GADL1: variants seen among roughly 807,000 people sequenced by gnomAD.
GADL1 encodes acidic amino acid decarboxylase GADL1.
Under a neutral mutation model 69.5 loss-of-function variants are expected in GADL1, and 71 were observed. That is an observed-to-expected ratio of 1.02 (90% CI 0.84 to 1.25). The LOEUF (loss-of-function observed/expected upper bound fraction) is 1.25, where lower values mean the gene tolerates loss of function less well. GADL1 is among the 50% of genes most tolerant of loss of function. GADL1 has a pLI of 0.00. For synonymous variants in GADL1, 254 were observed against 214.4 expected (o/e 1.18, Z -1.62); for missense variants, 737 against 631.8 (o/e 1.17, Z -1.79).
At chr3:30,839,222 T>C in intron 8 of GADL1, 109 bp from the exon 9 acceptor site, 1 of 640,378 alleles carries the variant, frequency 1.6e-6, no homozygotes, top group Non-Finnish European at 2.6e-6. Flanking sequence ...TTTGGGTTTT[T>C]TGGAGGTAGT....
At chr3:30,866,725 T>A (rs143855428) in intron 1 of GADL1, among the ~76,000 whole-genome samples, 3 of 152,134 alleles carry the variant, frequency 2.0e-5, no homozygotes, top group African/African-American at 7.2e-5. Flanking sequence ...CCACACTGGG[T>A]AGGCAGCTTC....
At chr3:30,770,282 A>AT (rs895113321) in intron 14 of GADL1, among the ~76,000 whole-genome samples, 1 of 152,224 alleles carries the variant, frequency 6.6e-6, no homozygotes, top group African/African-American at 2.4e-5. Flanking sequence ...GCCTATAAGC[A>AT]TTAATTAAGC....
At chr3:30,783,892 G>T (rs1696730654) in intron 13 of GADL1, among the ~76,000 whole-genome samples, 1 of 152,098 alleles carries the variant, frequency 6.6e-6, no homozygotes, top group Non-Finnish European at 1.5e-5. Context: ...AATATATAAA[G>T]AACTTTTTAA....
Position 30,801,029 on chromosome 3 carries a change from G to C in GADL1, c.1110C>G (p.Phe370Leu), listed in dbSNP as rs1697152711. 6.2e-7 allele frequency: 1 copy of C among 1,613,848 alleles called. No homozygotes were observed. Among genetic ancestry groups the C allele is most frequent in the Admixed American group, 1.7e-5 (1 of 60,004 alleles). The change falls in exon 12 of 15, where the codon TTC becomes TTG. Residue 370 changes from phenylalanine (F) to leucine (L), a missense_variant. Physicochemically the swap from Phe to Leu is conservative, Grantham distance 22. Transcript: ENST00000282538. ...CTCCTGTGTCATAGCTCACATCATAGAATTTATCCTGCTGGAAGAGGTAAG... is the reference window on the plus strand; with the variant it reads ...CTCCTGTGTCATAGCTCACATCATACAATTTATCCTGCTGGAAGAGGTAAG... ...KASYLFQQDK[F>L]YDVSYDTGDK...
intron 14 of GADL1, among the ~76,000 whole-genome samples, chr3:30,755,740 G>A (rs1333798056): frequency 6.6e-6 from 1 of 151,236 alleles, no homozygotes; most frequent in Non-Finnish European, 1.5e-5. Context: ...ATAAATAATT[G>A]TTAAACGAAT....
intron 14 of GADL1, among the ~76,000 whole-genome samples, chr3:30,744,858 T>C (rs1695677641): frequency 6.6e-6 from 1 of 152,196 alleles, no homozygotes; most frequent in South Asian, 2.1e-4. Context: ...TACAACTTTA[T>C]TTACAAAAAA....
intron 14 of GADL1, among the ~76,000 whole-genome samples, chr3:30,736,909 A>G (rs1029075882): frequency 1.3e-5 from 2 of 152,166 alleles, no homozygotes; most frequent in African/African-American, 4.8e-5. Flanking sequence ...TTAGAATACA[A>G]AAACATTTTA....
intron 4 of GADL1, among the ~76,000 whole-genome samples, chr3:30,853,066 T>C (rs187785227): frequency 2.0e-5 from 3 of 152,142 alleles, no homozygotes; most frequent in Non-Finnish European, 2.9e-5. Flanking sequence ...GCTCTCCTCG[T>C]GGCTGCCACA....
At chr3:30,732,508 T>C (rs1416918893) in intron 14 of GADL1, among the ~76,000 whole-genome samples, 2 of 152,276 alleles carry the variant, frequency 1.3e-5, no homozygotes, top group South Asian at 2.1e-4. Flanking sequence ...AGTGATTTAG[T>C]CATTTAAATA....
At chr3:30,858,796 CAG>C (rs1439278737) in intron 2 of GADL1, among the ~76,000 whole-genome samples, 1 of 151,906 alleles carries the variant, frequency 6.6e-6, no homozygotes, top group African/African-American at 2.4e-5. Context: ...TGATGTGGCT[CAG>C]AGAGAACCTA....
chr3:30,772,935 G>A (rs901307643), intron 14 of GADL1, among the ~76,000 whole-genome samples: 1 of 151,984 alleles, frequency 6.6e-6, no homozygotes, highest in African/African-American at 2.4e-5. Context: ...GGGAAACCTA[G>A]GAAGCCTATT....
intron 1 of GADL1, among the ~76,000 whole-genome samples, chr3:30,891,423 G>A (rs1041124214): frequency 6.6e-6 from 1 of 152,006 alleles, no homozygotes; most frequent in Non-Finnish European, 1.5e-5. Context: ...TCATTTCAAG[G>A]AACTTAAAGC....
At chr3:30,871,081 C>A (rs1006119005) in intron 1 of GADL1, among the ~76,000 whole-genome samples, 1 of 74,598 alleles carries the variant, frequency 1.3e-5, no homozygotes, top group African/African-American at 4.3e-5. Flanking sequence ...GTGTGTGTGT[C>A]CAAGAAACTC....
intron 14 of GADL1, among the ~76,000 whole-genome samples, chr3:30,741,449 G>A (rs1440200457): frequency 3.3e-5 from 5 of 151,894 alleles, no homozygotes; most frequent in Admixed American, 2.0e-4. Context: ...AAACATGTTC[G>A]ATTCCTATAA....
At chr3:30,823,132 G>C (rs770256581) in intron 11 of GADL1, among the ~76,000 whole-genome samples, 7 of 151,904 alleles carry the variant, frequency 4.6e-5, no homozygotes, top group Non-Finnish European at 7.4e-5. Flanking sequence ...CACAAGACAG[G>C]GATATAAACT....
In GADL1 at chr3:30,808,997, T is replaced by G. The variant is rs540035151; in HGVS notation, c.1051-7909A>C. Among the ~76,000 whole-genome samples the G allele has an allele frequency of 9.9e-5, 15 of 152,182 alleles. No individual in the cohort carries two copies. In the South Asian group the frequency reaches 2.9e-3, roughly 30 times the overall value. ...ACAGTGACTAAACGGTGGTGGAGAGTGTGCTTCATATACTCAACTCTACTG... is the reference window on the plus strand; with the variant it reads ...ACAGTGACTAAACGGTGGTGGAGAGGGTGCTTCATATACTCAACTCTACTG... On this transcript the variant is annotated intron_variant, in intron 11 of 14. Transcript: ENST00000282538.
chr3:30,800,729 T>C lies in GADL1; in HGVS notation c.1250+160A>G, dbSNP rs145488805. 603 of 644,186 alleles carry C rather than the reference T, an allele frequency of 9.4e-4. 5 individuals carry two copies. In the African/African-American group the frequency reaches 0.01, roughly 11 times the overall value. The allele number at this position is 644,186 out of a possible 1,614,324, so 39.9% of individuals were successfully genotyped here. ...AGAAAATGTGTATTGGATGAAATAATGCACAAATGAAAACATGTACTTGCA... is the reference window on the plus strand; with the variant it reads ...AGAAAATGTGTATTGGATGAAATAACGCACAAATGAAAACATGTACTTGCA... On this transcript the variant is annotated intron_variant, in intron 12 of 14. Transcript: ENST00000282538.
At chr3:30,807,641 T>C (rs910155398) in intron 11 of GADL1, among the ~76,000 whole-genome samples, 1 of 152,332 alleles carries the variant, frequency 6.6e-6, no homozygotes, top group South Asian at 2.1e-4. Flanking sequence ...CAGGTGTAAC[T>C]TGAGTTTTCT....
chr3:30,792,092 G>A (rs1172096931), intron 12 of GADL1, among the ~76,000 whole-genome samples: 1 of 152,176 alleles, frequency 6.6e-6, no homozygotes, highest in African/African-American at 2.4e-5. Context: ...CAGCTGAGTT[G>A]AAAGTAGAGG....
Sources: gnomAD v4.1 joint callset for allele counts (sites outside exome capture counted in the v4.1 genomes callset) on GRCh38, gnomAD v4.1.1 for gene constraint, MANE v1.5 for transcripts, NCBI Gene and HGNC (gene_info 2026-07-23, HGNC 2026-07-21) for gene names.